KCNQ3: variants seen among roughly 807,000 people sequenced by gnomAD.
The protein encoded by KCNQ3 is potassium voltage-gated channel subfamily KQT member 3.
Under a neutral mutation model 92.5 loss-of-function variants are expected in KCNQ3, and 30 were observed. The observed-to-expected ratio is 0.32, with a 90% CI of 0.24 to 0.44. KCNQ3 has a LOEUF of 0.44. Among genes scored for constraint, KCNQ3 ranks in the 20% least tolerant of loss-of-function variants. The pLI is 1.00. For synonymous variants in KCNQ3, 450 were observed against 468.8 expected (o/e 0.96, Z 0.52); for missense variants, 913 against 1,140.3 (o/e 0.80, Z 2.87).
intron 1 of KCNQ3, among the ~76,000 whole-genome samples, chr8:132,237,850 G>A (rs1814866562): frequency 6.6e-6 from 1 of 152,124 alleles, no homozygotes; most frequent in Admixed American, 6.5e-5. Context: ...AGCATCCCAT[G>A]GTATTAGTGA....
intron 4 of KCNQ3, 87 bp downstream of exon 4, chr8:132,180,070 G>C: frequency 1.4e-6 from 2 of 1,416,852 alleles, no homozygotes; most frequent in South Asian, 2.3e-5. Context: ...ACTGCCTTCT[G>C]GGGACACTGC....
intron 1 of KCNQ3, among the ~76,000 whole-genome samples, chr8:132,407,332 C>G (rs1820518418): frequency 1.3e-5 from 2 of 152,204 alleles, no homozygotes; most frequent in African/African-American, 2.4e-5. Flanking sequence ...GAGACCATCT[C>G]TAGTGGACAA....
intron 1 of KCNQ3, among the ~76,000 whole-genome samples, chr8:132,288,553 G>A (rs185732537): frequency 2.0e-5 from 3 of 152,252 alleles, no homozygotes; most frequent in African/African-American, 7.2e-5. Flanking sequence ...CCCTCTCGGA[G>A]CTACAAATTC....
intron 1 of KCNQ3, among the ~76,000 whole-genome samples, chr8:132,317,040 A>T (rs1817764150): frequency 6.6e-6 from 1 of 152,218 alleles, no homozygotes; most frequent in Non-Finnish European, 1.5e-5. Context: ...TTTACAATAA[A>T]TTAGTAACCA....
intron 1 of KCNQ3, among the ~76,000 whole-genome samples, chr8:132,377,761 G>C (rs577714592): frequency 6.6e-6 from 1 of 152,120 alleles, no homozygotes; most frequent in Non-Finnish European, 1.5e-5. Flanking sequence ...GAGTAATATC[G>C]GGTCAATAAC....
At chr8:132,468,390 C>T (rs1822228729) in intron 1 of KCNQ3, among the ~76,000 whole-genome samples, 1 of 152,196 alleles carries the variant, frequency 6.6e-6, no homozygotes, top group African/African-American at 2.4e-5. Flanking sequence ...TCCATCTCTC[C>T]AAGAAGACAC....
chr8:132,141,013 A>G, intron 10 of KCNQ3, 116 bp downstream of exon 10: 2 of 927,550 alleles, frequency 2.2e-6, no homozygotes, highest in Admixed American at 3.7e-5. Context: ...GGGAAGGGAG[A>G]GAGTTACCTT....
intron 1 of KCNQ3, among the ~76,000 whole-genome samples, chr8:132,213,409 T>C (rs758774115): frequency 6.6e-6 from 1 of 152,208 alleles, no homozygotes; most frequent in Non-Finnish European, 1.5e-5. Flanking sequence ...TGGCTTAGAC[T>C]TCCTACTCCC....
chr8:132,259,558 G>A (rs1348253042), intron 1 of KCNQ3, among the ~76,000 whole-genome samples: 2 of 152,084 alleles, frequency 1.3e-5, no homozygotes, highest in East Asian at 1.9e-4. Context: ...GGTAGTAAAC[G>A]ACTGAATTCT....
intron 1 of KCNQ3, among the ~76,000 whole-genome samples, chr8:132,469,403 T>C (rs1563922414): frequency 6.6e-6 from 1 of 152,172 alleles, no homozygotes; most frequent in South Asian, 2.1e-4. Flanking sequence ...ACCAATTATA[T>C]GCAGCAGGTA....
chr8:132,246,802 C>T (rs138443750), intron 1 of KCNQ3, among the ~76,000 whole-genome samples: 1 of 152,192 alleles, frequency 6.6e-6, no homozygotes, highest in Non-Finnish European at 1.5e-5. Flanking sequence ...AGAAAGTCCT[C>T]AGCACCATGG....
At position 132,170,337 on chromosome 8, in the gene KCNQ3, A is replaced by G; in HGVS notation, c.1232T>C (p.Phe411Ser). ...ATTCAGGTGAGTCCCCACTTGCCTGAAGAAAGGAAAAGAGACGACTGATTC... is the reference window on the plus strand; with the variant it reads ...ATTCAGGTGAGTCCCCACTTGCCTGGAGAAAGGAAAAGAGACGACTGATTC... ...FYESVVSFPF[F>S]RKEQLEAASS... Residue 411 changes from phenylalanine to serine, a missense_variant, in exon 8 of 15, where the codon TTC (phenylalanine) becomes TCC (serine). Coordinates refer to ENST00000388996, the MANE Select transcript of KCNQ3 (RefSeq NM_004519.4). 1 of 1,612,708 alleles carries G rather than the reference A, an allele frequency of 6.2e-7. No homozygotes were observed. The highest frequency in any genetic ancestry group is 8.5e-7 in the Non-Finnish European group (1 of 1,178,876).
chr8:132,272,908 A>G lies in KCNQ3; in HGVS notation c.387-86727T>C, dbSNP rs796550955. 5.3e-5 allele frequency among the ~76,000 whole-genome samples: 8 copies of G among 152,250 alleles called. 1 individual carries two copies. The highest frequency in any genetic ancestry group is 1.9e-4 in the African/African-American group (8 of 41,548). On this transcript the variant is annotated intron_variant, in intron 1 of 14. Coordinates refer to ENST00000388996, the MANE Select transcript of KCNQ3 (RefSeq NM_004519.4). ...ATCATGCCTTCCCAACAGTCCCCCAAAGTCTTAATTCATTTTAGCATTAAC... is the reference window on the plus strand; with the variant it reads ...ATCATGCCTTCCCAACAGTCCCCCAGAGTCTTAATTCATTTTAGCATTAAC...
chr8:132,276,593 G>A (rs1243152538), intron 1 of KCNQ3, among the ~76,000 whole-genome samples: 2 of 152,046 alleles, frequency 1.3e-5, no homozygotes, highest in Non-Finnish European at 2.9e-5. Flanking sequence ...TCCTCATGTT[G>A]ACTCACAATG....
chr8:132,316,757 G>A (rs1161017867), intron 1 of KCNQ3, among the ~76,000 whole-genome samples: 6 of 152,188 alleles, frequency 3.9e-5, no homozygotes, highest in African/African-American at 9.7e-5. Context: ...GCAGTTCTAC[G>A]AACCAGACAC....
chr8:132,249,404 C>G (rs1295765960), intron 1 of KCNQ3, among the ~76,000 whole-genome samples: 1 of 152,130 alleles, frequency 6.6e-6, no homozygotes, highest in Admixed American at 6.6e-5. Context: ...TCTCTAAGTC[C>G]CCACTAGATT....
At chr8:132,216,316 T>G (rs1389239088) in intron 1 of KCNQ3, among the ~76,000 whole-genome samples, 3 of 152,208 alleles carry the variant, frequency 2.0e-5, no homozygotes, top group African/African-American at 7.2e-5. Flanking sequence ...GCGCGTGATA[T>G]TCTGAGGGAC....
intron 1 of KCNQ3, among the ~76,000 whole-genome samples, chr8:132,448,495 G>C (rs916218361): frequency 3.5e-4 from 15 of 43,048 alleles, no homozygotes; most frequent in Admixed American, 7.3e-4. Flanking sequence ...GGAAGAAGGA[G>C]AAATATGAAA....
intron 1 of KCNQ3, among the ~76,000 whole-genome samples, chr8:132,379,575 G>A (rs1819692805): frequency 1.3e-5 from 2 of 152,034 alleles, no homozygotes; most frequent in Non-Finnish European, 2.9e-5. Context: ...ACCCTTACCA[G>A]TTGGCCCTAC....
Sources: gnomAD v4.1 joint callset for allele counts (sites outside exome capture counted in the v4.1 genomes callset) on GRCh38, gnomAD v4.1.1 for gene constraint, MANE v1.5 for transcripts, NCBI Gene and HGNC (gene_info 2026-07-23, HGNC 2026-07-21) for gene names.